TEAD1: variants seen among roughly 807,000 people sequenced by gnomAD.
The protein encoded by TEAD1 is TEA domain transcription factor 1.
A neutral mutation model predicts 54.9 loss-of-function variants in TEAD1; 9 were observed. The observed-to-expected ratio is 0.16, with a 90% CI of 0.10 to 0.29. The LOEUF (loss-of-function observed/expected upper bound fraction) is 0.29, where lower values mean the gene tolerates loss of function less well. Ranked by LOEUF, TEAD1 falls within the 10% of genes least tolerant of loss-of-function variation. The pLI is 1.00. For synonymous variants in TEAD1, 200 were observed against 187.8 expected, an observed-to-expected ratio of 1.07 and a Z score of -0.53; for missense variants, 387 against 535.9, an observed-to-expected ratio of 0.72 and a Z score of 2.74.
At chr11:12,748,980 A>T (rs1944809220) in intron 2 of TEAD1, among the ~76,000 whole-genome samples, 1 of 152,150 alleles carries the variant, frequency 6.6e-6, no homozygotes, top group Admixed American at 6.5e-5. Context: ...AGTTTACCTG[A>T]GAAACATCAT....
chr11:12,887,801 TTAAAA>T (rs944778631), intron 9 of TEAD1, among the ~76,000 whole-genome samples: 2 of 152,214 alleles, frequency 1.3e-5, no homozygotes, highest in African/African-American at 4.8e-5. Context: ...CATACAGTAC[TTAAAA>T]TATAACATCC....
chr11:12,929,977 C>G (rs1404767007), intron 11 of TEAD1, among the ~76,000 whole-genome samples, 197 bp from the exon 12 acceptor site: 2 of 151,992 alleles, frequency 1.3e-5, no homozygotes, highest in Non-Finnish European at 2.9e-5. Context: ...AAAAAACTTC[C>G]AGAAAAATAA....
At chr11:12,870,628 G>A (rs1322565854) in intron 5 of TEAD1, among the ~76,000 whole-genome samples, 2 of 152,214 alleles carry the variant, frequency 1.3e-5, no homozygotes, top group Admixed American at 6.5e-5. Flanking sequence ...GCTCACGCCT[G>A]TAATCCTAGC....
At chr11:12,789,388 A>G (rs1024192002) in intron 3 of TEAD1, among the ~76,000 whole-genome samples, 1 of 152,250 alleles carries the variant, frequency 6.6e-6, no homozygotes, top group East Asian at 1.9e-4. Flanking sequence ...TATTCATAAA[A>G]TGTATTTGAA....
chr11:12,814,842 C>G (rs2133993716), intron 3 of TEAD1, among the ~76,000 whole-genome samples: 1 of 132,940 alleles, frequency 7.5e-6, no homozygotes, highest in East Asian at 2.2e-4. Flanking sequence ...TGTGTGTGTC[C>G]CCGTCCGTCC....
intron 3 of TEAD1, among the ~76,000 whole-genome samples, chr11:12,802,906 A>G (rs1168337499): frequency 1.3e-5 from 2 of 151,988 alleles, no homozygotes; most frequent in African/African-American, 4.8e-5. Flanking sequence ...AGCTTATCAC[A>G]CTGTTTACCT....
chr11:12,707,732 G>A (rs1381053585), intron 2 of TEAD1, among the ~76,000 whole-genome samples: 1 of 152,034 alleles, frequency 6.6e-6, no homozygotes, highest in Non-Finnish European at 1.5e-5. Flanking sequence ...TTCTTTTTTT[G>A]GAAGGTCAGT....
At chr11:12,724,788 C>G (rs1944282590) in intron 2 of TEAD1, among the ~76,000 whole-genome samples, 1 of 152,186 alleles carries the variant, frequency 6.6e-6, no homozygotes, top group African/African-American at 2.4e-5. Context: ...CCTCCTCGCC[C>G]CTCCTTTCCT....
chr11:12,877,196 T>G (rs1947868711), intron 5 of TEAD1, among the ~76,000 whole-genome samples: 1 of 152,216 alleles, frequency 6.6e-6, no homozygotes, highest in South Asian at 2.1e-4. Context: ...CTGGCCGTTC[T>G]TTTGAGGCCC....
rs1233796640 is a variant in TEAD1 at position 12,938,567 on chromosome 11, C to T, written c.*1345C>T. 1 of 152,212 alleles carries T rather than the reference C, an allele frequency of 6.6e-6. No homozygotes were observed. The highest frequency in any genetic ancestry group is 2.4e-5 in the African/African-American group (1 of 41,448). 9.4% of individuals were successfully genotyped at this position (152,212 alleles called of 1,614,324 possible). A position where few individuals can be genotyped will look rare whatever the true frequency, so the allele number is the denominator to read the frequency against. On this transcript the variant is annotated 3_prime_UTR_variant, in exon 13 of 13. Transcript: ENST00000527636. ...TTAGATACATCCTCTTGAAGCACAT[C>T]CATTTCTTTAGCGTCTCTCAGTAAG...
At chr11:12,762,366 TA>T (rs1255468206) in intron 2 of TEAD1, among the ~76,000 whole-genome samples, 5 of 132,842 alleles carry the variant, frequency 3.8e-5, no homozygotes, top group Admixed American at 7.7e-5. Flanking sequence ...TTGAATTTCA[TA>T]AGACTCTTAG....
At chr11:12,860,712 C>T (rs1382124094) in intron 3 of TEAD1, among the ~76,000 whole-genome samples, 3 of 152,198 alleles carry the variant, frequency 2.0e-5, no homozygotes, top group Non-Finnish European at 2.9e-5. Flanking sequence ...TTCTTCCCCT[C>T]TTCAAGTATG....
At chr11:12,881,306 T>C (rs1947960619) in intron 7 of TEAD1, among the ~76,000 whole-genome samples, 1 of 152,136 alleles carries the variant, frequency 6.6e-6, no homozygotes, top group African/African-American at 2.4e-5. Flanking sequence ...AAGCAAGAAG[T>C]GGACCCCTCT....
intron 3 of TEAD1, among the ~76,000 whole-genome samples, chr11:12,840,272 A>AAAAAAAAAAAAC (rs1947004560): frequency 7.6e-6 from 1 of 131,300 alleles, no homozygotes; most frequent in Non-Finnish European, 1.7e-5. Context: ...AGAAAAAAAA[A>AAAAAAAAAAAAC]AGACCAGAAA....
intron 2 of TEAD1, among the ~76,000 whole-genome samples, chr11:12,705,388 C>G (rs1234031195): frequency 1.3e-5 from 2 of 152,174 alleles, no homozygotes; most frequent in African/African-American, 4.8e-5. Context: ...TAGAGTGATG[C>G]AGTGCAGAAA....
At chr11:12,750,331 G>C (rs1944844297) in intron 2 of TEAD1, among the ~76,000 whole-genome samples, 1 of 152,152 alleles carries the variant, frequency 6.6e-6, no homozygotes, top group Non-Finnish European at 1.5e-5. Context: ...ATGGCTGAGT[G>C]ATCAGGTACC....
chr11:12,885,170 T>G (rs1480116050), intron 9 of TEAD1, among the ~76,000 whole-genome samples: 1 of 152,074 alleles, frequency 6.6e-6, no homozygotes, highest in Non-Finnish European at 1.5e-5. Context: ...AATCTTGTAT[T>G]TCATTGTATC....
chr11:12,904,476 G>GA (rs1382313065), intron 10 of TEAD1, among the ~76,000 whole-genome samples: 6 of 152,094 alleles, frequency 3.9e-5, no homozygotes, highest in Non-Finnish European at 1.5e-5. Flanking sequence ...AACAGAGTTG[G>GA]AAAAATTCAT....
intron 3 of TEAD1, among the ~76,000 whole-genome samples, chr11:12,788,434 A>G (rs927346870): frequency 6.6e-6 from 1 of 152,094 alleles, no homozygotes; most frequent in African/African-American, 2.4e-5. Context: ...GCCTGGCCAA[A>G]TCTTCCACCT....
Sources: gnomAD v4.1 joint callset for allele counts (sites outside exome capture counted in the v4.1 genomes callset) on GRCh38, gnomAD v4.1.1 for gene constraint, MANE v1.5 for transcripts, NCBI Gene and HGNC (gene_info 2026-07-23, HGNC 2026-07-21) for gene names.